The following DLGAP2 variants were observed in gnomAD, a reference collection of about 807,000 sequenced individuals.
DLGAP2 encodes disks large-associated protein 2.
Under a neutral mutation model 100.3 loss-of-function variants are expected in DLGAP2, and 26 were observed. That is an observed-to-expected ratio of 0.26 (90% confidence interval 0.19 to 0.36). The LOEUF (loss-of-function observed/expected upper bound fraction) is 0.36, where lower values mean the gene tolerates loss of function less well. Among genes scored for constraint, DLGAP2 ranks in the 10% least tolerant of loss-of-function variants. The pLI is 1.00. For synonymous variants in DLGAP2, 886 were observed against 630.1 expected (o/e 1.41, Z -6.08); for missense variants, 1,858 against 1,453.2 (o/e 1.28, Z -4.53).
Position 1,268,060 on chromosome 8 carries a change from G to A in DLGAP2, c.106+9177G>A, listed in dbSNP as rs900695360. Among the ~76,000 whole-genome samples the A allele has an allele frequency of 9.2e-5, 14 of 152,148 alleles. 1 individual carries two copies. In the South Asian group the frequency reaches 1.0e-3, roughly 11 times the overall value. ...CATACCATCTGGTGTCTGAGATTGC[G>A]ACAATTACCCATTTATGCAGAATGA... On this transcript the variant is annotated intron_variant, in intron 3 of 14. Transcript: ENST00000637795.
intron 2 of DLGAP2, among the ~76,000 whole-genome samples, chr8:1,215,408 G>T (rs960376749): frequency 6.6e-6 from 1 of 152,116 alleles, no homozygotes; most frequent in Non-Finnish European, 1.5e-5. Context: ...GTTCATTAGG[G>T]TGCATCACCT....
At chr8:1,197,862 C>A (rs546741795) in intron 2 of DLGAP2, among the ~76,000 whole-genome samples, 16 of 152,280 alleles carry the variant, frequency 1.1e-4, no homozygotes, top group African/African-American at 3.6e-4. Context: ...TCAGGTTTCT[C>A]GTCTCCTGGG....
chr8:1,268,761 T>G (rs1799520817), intron 3 of DLGAP2, among the ~76,000 whole-genome samples: 1 of 152,218 alleles, frequency 6.6e-6, no homozygotes, highest in Admixed American at 6.5e-5. Flanking sequence ...TTAAAAACAT[T>G]TCCCAATTAT....
chr8:1,019,355 ATC>A (rs1801563237), intron 2 of DLGAP2: 1 of 152,020 alleles, frequency 6.6e-6, no homozygotes, highest in Non-Finnish European at 1.5e-5. Context: ...GGACCAGAGA[ATC>A]TCTGCTGCAT....
chr8:1,247,473 G>GCCCACA (rs1284918601), intron 2 of DLGAP2, among the ~76,000 whole-genome samples: 17 of 113,440 alleles, frequency 1.5e-4, no homozygotes, highest in South Asian at 3.4e-4. Context: ...GGGAGTGATG[G>GCCCACA]TCCATGTTGG....
chr8:1,165,319 G>A (rs1039381810), intron 2 of DLGAP2, among the ~76,000 whole-genome samples: 24 of 152,046 alleles, frequency 1.6e-4, no homozygotes, highest in Admixed American at 5.9e-4. Flanking sequence ...GAGAGAGCAC[G>A]CGCATACAGC....
At chr8:843,206 C>A (rs984954317) in intron 1 of DLGAP2, among the ~76,000 whole-genome samples, 2 of 152,220 alleles carry the variant, frequency 1.3e-5, no homozygotes, top group Non-Finnish European at 2.9e-5. Context: ...TTTCCGACTT[C>A]CTAGAGCTCT....
At chr8:1,348,487 C>A (rs1189791130) in intron 3 of DLGAP2, among the ~76,000 whole-genome samples, 31 of 148,750 alleles carry the variant, frequency 2.1e-4, no homozygotes, top group Middle Eastern at 7.2e-3. Flanking sequence ...GTTGAGTTCC[C>A]ATACAGAGCT....
In DLGAP2 at chr8:1,548,913, G is replaced by T; in HGVS notation, c.460G>T (p.Asp154Tyr). 6.3e-7 allele frequency: 1 copy of T among 1,597,968 alleles called. No homozygotes were observed. Among genetic ancestry groups the T allele is most frequent in the African/African-American group, 1.3e-5 (1 of 75,000 alleles). Residue 154 changes from aspartate to tyrosine, a missense_variant, in exon 5 of 15, where the codon GAC becomes TAC. Asp to Tyr is a radical substitution (Grantham distance 160). Coordinates refer to ENST00000637795, the MANE Select transcript of DLGAP2 (RefSeq NM_001346810.2). ...ECVMMPVVLG[D>Y]HVSSSTFPRM... ...CGTGATGATGCCGGTGGTGCTGGGC[G>T]ACCACGTGTCCAGCAGCACCTTCCC...
intron 2 of DLGAP2, among the ~76,000 whole-genome samples, chr8:1,111,996 AG>A (rs1403881969): frequency 6.6e-6 from 1 of 152,090 alleles, no homozygotes; most frequent in East Asian, 1.9e-4. Flanking sequence ...TGCTTTCCAC[AG>A]GGGTTGAACT....
At chr8:1,525,116 T>G (rs1360177275) in intron 4 of DLGAP2, among the ~76,000 whole-genome samples, 1 of 151,972 alleles carries the variant, frequency 6.6e-6, no homozygotes, top group African/African-American at 2.4e-5. Context: ...AGCTTCTGGA[T>G]TTTCAGCTGT....
chr8:972,428 A>C (rs571781096), intron 2 of DLGAP2, among the ~76,000 whole-genome samples: 19 of 152,312 alleles, frequency 1.2e-4, no homozygotes, highest in Admixed American at 1.0e-3. Flanking sequence ...ATAAGCAAAG[A>C]GATGGAAACT....
At chr8:1,329,991 C>A (rs761342162) in intron 3 of DLGAP2, among the ~76,000 whole-genome samples, 3 of 152,252 alleles carry the variant, frequency 2.0e-5, no homozygotes, top group African/African-American at 7.2e-5. Flanking sequence ...GTGGCTGGGA[C>A]TGAGTGAGCT....
chr8:1,074,178 G>C (rs1803527728), intron 2 of DLGAP2, among the ~76,000 whole-genome samples: 2 of 148,132 alleles, frequency 1.4e-5, no homozygotes, highest in South Asian at 4.3e-4. Context: ...AGGAGTCACT[G>C]TAACAGAAGG....
chr8:924,481 T>C (rs1309020675), intron 2 of DLGAP2, among the ~76,000 whole-genome samples: 1 of 152,072 alleles, frequency 6.6e-6, no homozygotes, highest in Non-Finnish European at 1.5e-5. Flanking sequence ...CGGTGAAGTT[T>C]AGTGCTGGCC....
In DLGAP2 at chr8:1,489,144, C is replaced by T. The variant is rs111820835; in HGVS notation, c.107-12222C>T. Among the ~76,000 whole-genome samples the T allele has an allele frequency of 4.9e-4, 74 of 152,304 alleles. 1 individual carries two copies. The highest frequency in any genetic ancestry group is 1.5e-3 in the African/African-American group (61 of 41,566). ...GAAAATATGTCCTCCTCTGTGTTACCTGTGGACTGTAAAAGCCTGGGAAAC... is the reference window on the plus strand; with the variant it reads ...GAAAATATGTCCTCCTCTGTGTTACTTGTGGACTGTAAAAGCCTGGGAAAC... On this transcript the variant is annotated intron_variant, in intron 3 of 14. Transcript: ENST00000637795.
At position 966,694 on chromosome 8, in the gene DLGAP2, G is replaced by C. The variant is rs371395618; in HGVS notation, c.73+58728G>C. 1.4e-3 allele frequency among the ~76,000 whole-genome samples: 211 copies of C among 152,208 alleles called. 9 individuals carry two copies. In the South Asian group the frequency reaches 0.042, roughly 31 times the overall value. Reference sequence around the variant, plus strand: ...TCCTCTTTCACGGTTTTTGCTACTGGTGGAGTCTTTTACATCTGGGTTTAT... The same window carrying C: ...TCCTCTTTCACGGTTTTTGCTACTGCTGGAGTCTTTTACATCTGGGTTTAT... On this transcript the variant is annotated intron_variant, in intron 2 of 14. Coordinates refer to ENST00000637795, the MANE Select transcript of DLGAP2 (RefSeq NM_001346810.2).
At chr8:854,345 GA>G (rs1225487472) in intron 1 of DLGAP2, among the ~76,000 whole-genome samples, 1 of 152,070 alleles carries the variant, frequency 6.6e-6, no homozygotes, top group African/African-American at 2.4e-5. Context: ...TTTTATTCAG[GA>G]GGCAAAAAGG....
intron 2 of DLGAP2, among the ~76,000 whole-genome samples, chr8:980,822 G>T (rs1800310334): frequency 6.6e-6 from 1 of 152,124 alleles, no homozygotes; most frequent in Non-Finnish European, 1.5e-5. Context: ...AATGGGAGAG[G>T]GAGGGATAGG....
Sources: allele counts gnomAD v4.1 joint callset (sites outside exome capture counted in the v4.1 genomes callset), GRCh38; gene constraint gnomAD v4.1.1; transcripts MANE v1.5; gene names NCBI Gene and HGNC (gene_info 2026-07-23, HGNC 2026-07-21).